CDH6: variants seen among roughly 807,000 people sequenced by gnomAD.
CDH6 encodes the protein cadherin 6, also known as cadherin-6.
CDH6 carries 31 observed loss-of-function variants against 78.0 expected under a neutral mutation model. That is an observed-to-expected ratio of 0.40 (90% CI 0.30 to 0.54). The LOEUF is 0.54. CDH6 is among the 20% of genes least tolerant of loss of function. CDH6 has a pLI of 0.56. For missense variants in CDH6, 724 were observed against 975.9 expected, an observed-to-expected ratio of 0.74 and a Z score of 3.44; for synonymous variants, 376 against 368.8, an observed-to-expected ratio of 1.02 and a Z score of -0.23.
intron 1 of CDH6, among the ~76,000 whole-genome samples, chr5:31,259,054 C>T (rs983758875): frequency 2.0e-5 from 3 of 152,172 alleles, no homozygotes; most frequent in Admixed American, 2.0e-4. Flanking sequence ...AGGATTGTCA[C>T]GAGAATTCAC....
At chr5:31,238,927 A>G (rs758919382) in intron 1 of CDH6, among the ~76,000 whole-genome samples, 4 of 152,224 alleles carry the variant, frequency 2.6e-5, no homozygotes, top group African/African-American at 4.8e-5. Flanking sequence ...TTACTTCTCT[A>G]TATATGTTTA....
At chr5:31,291,935 A>G (rs1050295488) in intron 2 of CDH6, among the ~76,000 whole-genome samples, 5 of 152,160 alleles carry the variant, frequency 3.3e-5, no homozygotes, top group African/African-American at 1.2e-4. Context: ...AAGACTACTA[A>G]TTATATGAAT....
intron 1 of CDH6, among the ~76,000 whole-genome samples, chr5:31,238,152 T>C (rs1418360650): frequency 6.6e-6 from 1 of 152,220 alleles, no homozygotes; most frequent in Non-Finnish European, 1.5e-5. Flanking sequence ...AACAAATTGA[T>C]TTTTTAAATT....
intron 1 of CDH6, among the ~76,000 whole-genome samples, chr5:31,243,691 C>CAGG (rs1741666214): frequency 6.6e-6 from 1 of 152,176 alleles, no homozygotes; most frequent in Non-Finnish European, 1.5e-5. Flanking sequence ...GCTCAGACTC[C>CAGG]AGGCAGGCTG....
At chr5:31,247,213 A>T (rs951707012) in intron 1 of CDH6, among the ~76,000 whole-genome samples, 2 of 152,176 alleles carry the variant, frequency 1.3e-5, no homozygotes, top group African/African-American at 4.8e-5. Flanking sequence ...TTACCAAAAA[A>T]TGACTTAAAA....
chr5:31,306,583 C>T (rs994535693), intron 7 of CDH6, among the ~76,000 whole-genome samples: 5 of 152,012 alleles, frequency 3.3e-5, no homozygotes, highest in African/African-American at 1.2e-4. Context: ...AAGTGCTAGA[C>T]CAGAATAGCA....
chr5:31,194,207 C>T lies in CDH6; in HGVS notation c.-129+321C>T, dbSNP rs570385313. 6.2e-4 allele frequency among the ~76,000 whole-genome samples: 94 copies of T among 152,282 alleles called. 1 individual carries two copies. Among genetic ancestry groups the T allele is most frequent in the African/African-American group, 2.2e-3 (91 of 41,576 alleles). On this transcript the variant is annotated intron_variant, in intron 1 of 11. Transcript: ENST00000265071. ...AAGCGGGCCGCCGCAGAAGAACCCG[C>T]TGCCTTTCTCTACGCCGGCAGAGGC...
intron 1 of CDH6, among the ~76,000 whole-genome samples, chr5:31,247,491 G>C (rs1741784462): frequency 1.3e-5 from 2 of 152,116 alleles, no homozygotes. Context: ...GACTGGAGAG[G>C]ATTGCCTTAG....
chr5:31,285,043 TG>T (rs1464063539), intron 2 of CDH6, among the ~76,000 whole-genome samples: 1 of 152,244 alleles, frequency 6.6e-6, no homozygotes, highest in East Asian at 1.9e-4. Flanking sequence ...CAACCTGTAT[TG>T]AGCTTCTAAT....
intron 10 of CDH6, 24 bp from the exon 11 acceptor site, chr5:31,317,649 C>A (rs1738361806): frequency 6.3e-7 from 1 of 1,599,662 alleles, no homozygotes; most frequent in Non-Finnish European, 8.5e-7. Context: ...CACATACATT[C>A]ACCACTTTGC....
At chr5:31,199,423 TAC>T (rs200218993) in intron 1 of CDH6, among the ~76,000 whole-genome samples, 1 of 127,598 alleles carries the variant, frequency 7.8e-6, no homozygotes, top group African/African-American at 2.8e-5. Context: ...TGTATATATG[TAC>T]ACACATATGT....
At chr5:31,221,730 C>T (rs536166263) in intron 1 of CDH6, among the ~76,000 whole-genome samples, 13 of 152,224 alleles carry the variant, frequency 8.5e-5, no homozygotes, top group African/African-American at 2.9e-4. Flanking sequence ...TTAATCAATG[C>T]AAATGTCATG....
intron 1 of CDH6, among the ~76,000 whole-genome samples, chr5:31,243,654 C>A (rs757951064): frequency 6.6e-6 from 1 of 152,172 alleles, no homozygotes; most frequent in Non-Finnish European, 1.5e-5. Context: ...AACAACTTCT[C>A]TCCTGGGAGG....
chr5:31,201,568 T>C (rs1200387759), intron 1 of CDH6, among the ~76,000 whole-genome samples: 2 of 152,196 alleles, frequency 1.3e-5, no homozygotes, highest in African/African-American at 4.8e-5. Context: ...CATGGAAATA[T>C]GGGGAAAGAT....
At chr5:31,259,715 T>A (rs140836970) in intron 1 of CDH6, among the ~76,000 whole-genome samples, 264 of 152,346 alleles carry the variant, frequency 1.7e-3, no homozygotes, top group African/African-American at 6.2e-3. Context: ...TTCTTCTTTG[T>A]TCGCATGAGT....
intron 1 of CDH6, among the ~76,000 whole-genome samples, chr5:31,221,535 T>C (rs1741003889): frequency 6.6e-6 from 1 of 152,196 alleles, no homozygotes; most frequent in South Asian, 2.1e-4. Context: ...CTGACCTTTA[T>C]TAAACATTTT....
intron 1 of CDH6, chr5:31,249,821 G>A (rs1261043913): frequency 1.3e-5 from 2 of 152,272 alleles, no homozygotes; most frequent in African/African-American, 4.8e-5. Context: ...CAGTCTCTGT[G>A]GAATCCAGGT....
chr5:31,240,962 A>T (rs548555328), intron 1 of CDH6, among the ~76,000 whole-genome samples: 3 of 152,214 alleles, frequency 2.0e-5, no homozygotes, highest in African/African-American at 4.8e-5. Flanking sequence ...GTCCTGTCCA[A>T]TTGGAAGTTC....
At chr5:31,243,073 C>T (rs1180982500) in intron 1 of CDH6, among the ~76,000 whole-genome samples, 3 of 152,178 alleles carry the variant, frequency 2.0e-5, no homozygotes, top group Non-Finnish European at 2.9e-5. Flanking sequence ...CTGCTAAGTG[C>T]ATACATGCAC....
Sources: allele counts gnomAD v4.1 joint callset (sites outside exome capture counted in the v4.1 genomes callset), GRCh38; gene constraint gnomAD v4.1.1; transcripts MANE v1.5; gene names NCBI Gene and HGNC (gene_info 2026-07-23, HGNC 2026-07-21).